The following GREB1L variants were observed in gnomAD, a reference collection of about 807,000 sequenced individuals.
GREB1L encodes the protein GREB1 like retinoic acid receptor coactivator.
A neutral mutation model predicts 200.8 loss-of-function variants in GREB1L; 17 were observed. The ratio of observed to expected loss-of-function variants is 0.08; its 90% CI spans 0.06 to 0.13. The LOEUF (loss-of-function observed/expected upper bound fraction) is 0.13, where lower values mean the gene tolerates loss of function less well. GREB1L is among the 10% of genes least tolerant of loss of function. The pLI, the probability that GREB1L is intolerant of heterozygous loss-of-function variation, is 1.00. For missense variants in GREB1L, 1,657 were observed against 2,367.7 expected, an observed-to-expected ratio of 0.70 and a Z score of 6.23; for synonymous variants, 789 against 893.0, an observed-to-expected ratio of 0.88 and a Z score of 2.08.
intron 1 of GREB1L, among the ~76,000 whole-genome samples, chr18:21,281,940 CATT>C (rs961224072): frequency 3.9e-5 from 6 of 152,102 alleles, no homozygotes; most frequent in Admixed American, 3.9e-4. Flanking sequence ...AAACTCAAAT[CATT>C]ATAACATATA....
intron 2 of GREB1L, among the ~76,000 whole-genome samples, chr18:21,383,051 C>T (rs1236578858): frequency 6.6e-6 from 1 of 151,598 alleles, no homozygotes; most frequent in Non-Finnish European, 1.5e-5. Context: ...ATTTTTTTTC[C>T]AGAAGAGAGC....
In GREB1L at chr18:21,473,588, G is replaced by T. The variant is rs4800255; in HGVS notation, c.2363+377G>T. Among the ~76,000 whole-genome samples the T allele has an allele frequency of 3.8e-5, 3 of 79,176 alleles. No homozygotes were observed. In the South Asian group the frequency reaches 1.4e-3, roughly 38 times the overall value. 51.9% of individuals were successfully genotyped at this position (79,176 alleles called of 152,430 possible). A position where few individuals can be genotyped will look rare whatever the true frequency, so the allele number is the denominator to read the frequency against. On this transcript the variant is annotated intron_variant, in intron 16 of 32. Coordinates refer to ENST00000424526, the MANE Select transcript of GREB1L (RefSeq NM_001142966.3). ...TGTCTCAAAAAAAAAAAAAAAAAAA[G>T]AAAGAAAAGAAAATGTGTTAAAGGT...
intron 1 of GREB1L, among the ~76,000 whole-genome samples, chr18:21,248,934 T>G (rs1367069700): frequency 6.6e-6 from 1 of 151,862 alleles, no homozygotes; most frequent in East Asian, 1.9e-4. Context: ...ACTCTTTGAT[T>G]TGGAAATTTC....
intron 19 of GREB1L, among the ~76,000 whole-genome samples, chr18:21,493,895 T>G (rs1248534913): frequency 5.5e-4 from 10 of 18,240 alleles, no homozygotes; most frequent in East Asian, 2.8e-3. Context: ...AAAAAAAAAG[T>G]CCTCATACAG....
intron 15 of GREB1L, among the ~76,000 whole-genome samples, chr18:21,472,671 C>G (rs2145682144): frequency 6.6e-6 from 1 of 151,972 alleles, no homozygotes; most frequent in African/African-American, 2.4e-5. Flanking sequence ...AGCTGTAGCC[C>G]AAAGCTTAAT....
At chr18:21,380,991 C>G (rs186878981) in intron 2 of GREB1L, among the ~76,000 whole-genome samples, 1 of 152,080 alleles carries the variant, frequency 6.6e-6, no homozygotes, top group African/African-American at 2.4e-5. Context: ...ACCTGTAATC[C>G]CAGCACTTTG....
intron 1 of GREB1L, among the ~76,000 whole-genome samples, chr18:21,309,886 A>G (rs1413839482): frequency 1.3e-5 from 2 of 152,140 alleles, no homozygotes; most frequent in African/African-American, 2.4e-5. Flanking sequence ...CCTGCAATGC[A>G]CAAAACAGCC....
intron 1 of GREB1L, among the ~76,000 whole-genome samples, chr18:21,300,744 T>C (rs1241133838): frequency 6.6e-6 from 1 of 152,192 alleles, no homozygotes; most frequent in Non-Finnish European, 1.5e-5. Flanking sequence ...TCTTTCCTTT[T>C]TCATCATCTT....
chr18:21,244,412 C>T (rs1404433780), intron 1 of GREB1L, among the ~76,000 whole-genome samples: 1 of 152,156 alleles, frequency 6.6e-6, no homozygotes, highest in East Asian at 1.9e-4. Context: ...GGCCGAGTTT[C>T]AGATGTTTGG....
intron 1 of GREB1L, among the ~76,000 whole-genome samples, chr18:21,323,646 C>CT (rs901767450): frequency 2.0e-5 from 3 of 152,102 alleles, no homozygotes; most frequent in Admixed American, 6.6e-5. Flanking sequence ...GTGGGAGGAT[C>CT]TTTTTGAGAG....
intron 7 of GREB1L, among the ~76,000 whole-genome samples, chr18:21,411,223 T>G (rs1403284868): frequency 1.3e-5 from 2 of 151,844 alleles, no homozygotes; most frequent in Non-Finnish European, 2.9e-5. Flanking sequence ...TTTTTTTTTT[T>G]TGAGACAGAG....
intron 21 of GREB1L, 114 bp from the exon 22 acceptor site, chr18:21,499,615 C>T: frequency 1.4e-6 from 1 of 691,498 alleles, no homozygotes; most frequent in Non-Finnish European, 2.4e-6. Flanking sequence ...TGCTCAGGGT[C>T]TGCAGCCGCG....
chr18:21,348,917 C>A (rs1353682878), intron 1 of GREB1L, among the ~76,000 whole-genome samples: 1 of 152,194 alleles, frequency 6.6e-6, no homozygotes, highest in Admixed American at 6.5e-5. Context: ...TGCACTCCAG[C>A]CTGGGTGACA....
intron 6 of GREB1L, 99 bp from the exon 7 acceptor site, chr18:21,403,773 G>A: frequency 1.0e-6 from 1 of 984,438 alleles, no homozygotes; most frequent in South Asian, 1.6e-5. Flanking sequence ...CGCTTAAGGA[G>A]CAGCGATTTA....
chr18:21,497,030 C>G (rs1442786399), intron 21 of GREB1L, among the ~76,000 whole-genome samples: 1 of 152,180 alleles, frequency 6.6e-6, no homozygotes, highest in African/African-American at 2.4e-5. Flanking sequence ...TGCACAAAGG[C>G]CCTGTTTTTC....
chr18:21,285,244 G>A (rs1567921909), intron 1 of GREB1L, among the ~76,000 whole-genome samples: 1 of 151,836 alleles, frequency 6.6e-6, no homozygotes, highest in Non-Finnish European at 1.5e-5. Context: ...TAATTTTGAT[G>A]ATGTTCAGTT....
At position 21,522,717 on chromosome 18, in the gene GREB1L, T is replaced by C; in HGVS notation, c.5668T>C (p.Leu1890=). 6.4e-7 allele frequency: 1 copy of C among 1,551,720 alleles called. No homozygotes were observed. Among genetic ancestry groups the C allele is most frequent in the Non-Finnish European group, 8.7e-7 (1 of 1,146,992 alleles). Residue 1890 remains leucine (L), a synonymous_variant, in exon 33 of 33, where the codon TTA becomes CTA. Transcript: ENST00000424526. The part of the protein sequence containing the change: ...RSSLRQTIVR[L]ELEDEWQFRL... ...TTCCTTGCGCCAAACAATTGTCCGC[T>C]TAGAGCTAGAAGATGAGTGGCAGTT... is the stretch of plus-strand genomic sequence containing the variant.
intron 3 of GREB1L, 47 bp downstream of exon 3, chr18:21,383,722 TG>T: frequency 6.5e-7 from 1 of 1,535,398 alleles, no homozygotes; most frequent in South Asian, 1.2e-5. Context: ...TTTTTTGTTT[TG>T]TTTTTTTGAG....
chr18:21,337,675 G>A (rs769588721), intron 1 of GREB1L, among the ~76,000 whole-genome samples: 1 of 152,200 alleles, frequency 6.6e-6, no homozygotes, highest in African/African-American at 2.4e-5. Context: ...AAGTCAGACA[G>A]TGAGAGGTCT....
Sources: allele counts gnomAD v4.1 joint callset (sites outside exome capture counted in the v4.1 genomes callset), GRCh38; gene constraint gnomAD v4.1.1; transcripts MANE v1.5; gene names NCBI Gene and HGNC (gene_info 2026-07-23, HGNC 2026-07-21).